Variants in SUMF1 observed in about 807,000 individuals in gnomAD.
SUMF1 encodes the protein formylglycine-generating enzyme.
Under a neutral mutation model 47.6 loss-of-function variants are expected in SUMF1, and 48 were observed. That is an observed-to-expected ratio of 1.01 (90% CI 0.80 to 1.28). SUMF1 has a LOEUF of 1.28. Among genes scored for constraint, SUMF1 ranks in the 50% most tolerant of loss-of-function variants. The probability of loss-of-function intolerance (pLI) is 0.00; values close to 1 mark genes in which losing one functional copy is unlikely to be tolerated. For missense variants in SUMF1, 571 were observed against 485.4 expected, an observed-to-expected ratio of 1.18 and a Z score of -1.66; for synonymous variants, 230 against 192.1, an observed-to-expected ratio of 1.20 and a Z score of -1.63.
At chr3:4,218,428 T>G (rs1695988088) in intron 8 of SUMF1, among the ~76,000 whole-genome samples, 1 of 152,174 alleles carries the variant, frequency 6.6e-6, no homozygotes, top group Non-Finnish European at 1.5e-5. Flanking sequence ...TAATTGATTT[T>G]TTTAAGATAA....
chr3:4,265,373 A>C (rs1163090178), intron 8 of SUMF1, among the ~76,000 whole-genome samples: 1 of 152,166 alleles, frequency 6.6e-6, no homozygotes, highest in Non-Finnish European at 1.5e-5. Context: ...ATAGTTATTT[A>C]CAACAGTAAT....
intron 8 of SUMF1, among the ~76,000 whole-genome samples, chr3:4,279,730 C>T (rs1248219541): frequency 6.6e-6 from 1 of 152,078 alleles, no homozygotes; most frequent in African/African-American, 2.4e-5. Context: ...ACATATGCCA[C>T]CTCAGCAGGC....
chr3:4,418,478 G>C (rs1355073064), intron 4 of SUMF1, among the ~76,000 whole-genome samples: 1 of 152,232 alleles, frequency 6.6e-6, no homozygotes, highest in African/African-American at 2.4e-5. Flanking sequence ...GGGTTCAGCA[G>C]AGCTGACAGC....
In SUMF1 at chr3:4,362,146, A is replaced by C. The variant is rs749920258; in HGVS notation, c.1123T>G (p.Ter375GlyextTer15). The change falls in exon 9 of 9, where the codon TGA (stop) becomes GGA (glycine). Residue 375 changes from the stop codon to glycine, a stop_lost. Coordinates refer to ENST00000272902, the MANE Select transcript of SUMF1 (RefSeq NM_182760.4). ...CAADRLPTMD[*>G] ...CTGGGGAAGACTTTCCTTGGTTGTC[A>C]GTCCATAGTGGGCAGGCGGTCGGCT... is the stretch of plus-strand genomic sequence containing the variant. 2 of 1,614,096 alleles carry C rather than the reference A, an allele frequency of 1.2e-6. No individual in the cohort carries two copies. The highest frequency in any genetic ancestry group is 1.7e-6 in the Non-Finnish European group (2 of 1,180,000).
chr3:4,187,860 A>G (rs1396308200), intron 8 of SUMF1, among the ~76,000 whole-genome samples: 1 of 152,226 alleles, frequency 6.6e-6, no homozygotes, highest in Admixed American at 6.5e-5. Flanking sequence ...TTTTTAATTT[A>G]ACAGTATTTT....
chr3:4,428,719 G>GTTTC (rs10662701), intron 3 of SUMF1, among the ~76,000 whole-genome samples: 138,114 of 152,000 alleles, frequency 0.91, 64,057 homozygotes, highest in Non-Finnish European at 1. Flanking sequence ...TTTCATTTTA[G>GTTTC]TTTTAGTTTT....
intron 1 of SUMF1, among the ~76,000 whole-genome samples, chr3:4,460,815 C>G (rs1198264586): frequency 6.6e-6 from 1 of 151,840 alleles, no homozygotes; most frequent in Non-Finnish European, 1.5e-5. Context: ...CACCAACACA[C>G]CCTGCTAATT....
chr3:4,464,464 T>A (rs1199029055), intron 1 of SUMF1, among the ~76,000 whole-genome samples: 1 of 152,066 alleles, frequency 6.6e-6, no homozygotes, highest in Non-Finnish European at 1.5e-5. Flanking sequence ...AGAGTGTAAA[T>A]GCCATGTGGG....
At chr3:4,248,575 T>A (rs1696721920) in intron 8 of SUMF1, among the ~76,000 whole-genome samples, 1 of 152,120 alleles carries the variant, frequency 6.6e-6, no homozygotes, top group African/African-American at 2.4e-5. Context: ...ACATCCCCCC[T>A]TGCATCACCA....
At chr3:4,173,138 G>C (rs1240471195) in intron 8 of SUMF1, among the ~76,000 whole-genome samples, 3 of 152,124 alleles carry the variant, frequency 2.0e-5, no homozygotes, top group Non-Finnish European at 2.9e-5. Flanking sequence ...ATTATTGTCA[G>C]ATTTCTCAAA....
chr3:4,356,313 T>C (rs1699615631), downstream of SUMF1, among the ~76,000 whole-genome samples: 1 of 152,254 alleles, frequency 6.6e-6, no homozygotes, highest in South Asian at 2.1e-4. Flanking sequence ...TGCTATTCTC[T>C]GATACTAATC....
At chr3:4,159,153 A>G (rs1394237347) in intron 8 of SUMF1, among the ~76,000 whole-genome samples, 1 of 151,028 alleles carries the variant, frequency 6.6e-6, no homozygotes, top group East Asian at 1.9e-4. Context: ...TAAGGTTTGT[A>G]CCTTCAGATG....
At chr3:4,230,714 A>T (rs1270272060) in intron 8 of SUMF1, among the ~76,000 whole-genome samples, 2 of 152,022 alleles carry the variant, frequency 1.3e-5, no homozygotes, top group Non-Finnish European at 2.9e-5. Flanking sequence ...TGGGGCCGAA[A>T]TTCCCAATCC....
At chr3:4,265,729 T>C (rs890109255) in intron 8 of SUMF1, among the ~76,000 whole-genome samples, 1 of 152,182 alleles carries the variant, frequency 6.6e-6, no homozygotes, top group Non-Finnish European at 1.5e-5. Flanking sequence ...AGCTCTTTAG[T>C]TTAATTAGAA....
chr3:4,243,179 G>C lies in SUMF1; in HGVS notation c.1014+133151C>G, dbSNP rs140911953. 7.5e-3 allele frequency among the ~76,000 whole-genome samples: 1,141 copies of C among 152,154 alleles called. 7 individuals are homozygous for C. The highest frequency in any genetic ancestry group is 0.012 in the Non-Finnish European group (796 of 67,988). On this transcript the variant is annotated intron_variant and NMD_transcript_variant, in intron 8 of 12. Transcript: ENST00000448413. ...TTGTTCTTTATTAGTCTTGCTAGTG[G>C]TCTATCTATTTTGTTGATCTTTTCA...
intron 8 of SUMF1, among the ~76,000 whole-genome samples, chr3:4,176,364 A>C (rs1694960465): frequency 6.6e-6 from 1 of 152,214 alleles, no homozygotes; most frequent in Admixed American, 6.5e-5. Context: ...ACAAGCTAGA[A>C]GAGAGTGGGG....
intron 8 of SUMF1, among the ~76,000 whole-genome samples, chr3:4,097,968 C>G (rs746993841): frequency 1.3e-5 from 2 of 152,130 alleles, no homozygotes; most frequent in Non-Finnish European, 2.9e-5. Context: ...GATCAACACC[C>G]TGACTACTCT....
intron 8 of SUMF1, among the ~76,000 whole-genome samples, chr3:4,333,126 T>C (rs895599277): frequency 1.3e-5 from 2 of 152,206 alleles, no homozygotes; most frequent in Non-Finnish European, 2.9e-5. Flanking sequence ...GTGACCTGAT[T>C]CTTCCAGGAC....
intron 8 of SUMF1, among the ~76,000 whole-genome samples, chr3:4,192,926 T>C (rs1678261362): frequency 6.6e-6 from 1 of 152,150 alleles, no homozygotes; most frequent in South Asian, 2.1e-4. Flanking sequence ...GAGTCTGACA[T>C]GTAAGAACAA....
Sources: gnomAD v4.1 joint callset for allele counts (sites outside exome capture counted in the v4.1 genomes callset) on GRCh38, gnomAD v4.1.1 for gene constraint, MANE v1.5 for transcripts, NCBI Gene and HGNC (gene_info 2026-07-23, HGNC 2026-07-21) for gene names.